HPRT1: variants seen among roughly 807,000 people sequenced by gnomAD.
HPRT1 encodes hypoxanthine-guanine phosphoribosyltransferase.
HPRT1 carries 4 observed loss-of-function variants against 19.0 expected under a neutral mutation model. The ratio of observed to expected loss-of-function variants is 0.21; its 90% CI spans 0.10 to 0.48. The LOEUF is 0.48. HPRT1 is among the 20% of genes least tolerant of loss of function. HPRT1 has a pLI of 0.98. For missense variants in HPRT1, 65 were observed against 164.0 expected (o/e 0.40, Z 3.30); for synonymous variants, 53 against 54.9 (o/e 0.97, Z 0.15).
At chrX:134,460,495 C>T in intron 1 of HPRT1, 157 bp downstream of exon 1, 1 of 330,718 alleles carries the variant, frequency 3.0e-6, no homozygotes, top group East Asian at 5.9e-5. Flanking sequence ...GGCTTTACGT[C>T]ACGCGAGGGC....
intron 1 of HPRT1, among the ~76,000 whole-genome samples, chrX:134,467,111 C>T (rs2077599090): frequency 1.1e-5 from 1 of 89,449 alleles, no homozygotes; most frequent in African/African-American, 4.6e-5. Flanking sequence ...AGTGCAGTGG[C>T]ACAATCTCGG....
chrX:134,481,505 C>CTCTATCTATCTATCTA (rs35832135), intron 3 of HPRT1, among the ~76,000 whole-genome samples: 63 of 96,169 alleles, frequency 6.6e-4, no homozygotes, highest in African/African-American at 7.4e-4. Context: ...ATCTGTCTAT[C>CTCTATCTATCTATCTA]TCTATCTATC....
intron 1 of HPRT1, among the ~76,000 whole-genome samples, chrX:134,470,914 AGAG>A (rs1257433047): frequency 9.5e-6 from 1 of 105,422 alleles, no homozygotes; most frequent in Non-Finnish European, 1.9e-5. Context: ...AAAAAAAAAA[AGAG>A]AGAGAAAAAA....
intron 1 of HPRT1, among the ~76,000 whole-genome samples, chrX:134,464,646 C>T (rs1484976656): frequency 2.7e-5 from 3 of 110,945 alleles, no homozygotes; most frequent in Non-Finnish European, 5.7e-5. Context: ...GATGCAATCT[C>T]GGCTCACTCT....
chrX:134,462,738 T>C (rs760290961), intron 1 of HPRT1, among the ~76,000 whole-genome samples: 1 of 112,533 alleles, frequency 8.9e-6, no homozygotes, highest in South Asian at 3.6e-4. Context: ...TGTTTTTAGT[T>C]TGCAAATCCC....
intron 5 of HPRT1, among the ~76,000 whole-genome samples, chrX:134,490,932 TTCC>T (rs1405228361): frequency 2.8e-5 from 3 of 107,403 alleles, no homozygotes; most frequent in Non-Finnish European, 5.8e-5. Context: ...CAACTTCGTA[TTCC>T]TCCTCAATAC....
At chrX:134,486,365 G>A in intron 3 of HPRT1, 100 bp from the exon 4 acceptor site, 1 of 375,619 alleles carries the variant, frequency 2.7e-6, no homozygotes, top group Non-Finnish European at 4.4e-6. Flanking sequence ...AAATCTTCTA[G>A]TTCTCATTTA....
chrX:134,490,350 G>A (rs186615272), intron 5 of HPRT1, 145 bp downstream of exon 5: 136 of 321,915 alleles, frequency 4.2e-4, no homozygotes, highest in African/African-American at 3.5e-3. Flanking sequence ...TTGGTTTTTT[G>A]TAAAGACTAC....
At chrX:134,472,170 T>C (rs2077612049) in intron 1 of HPRT1, among the ~76,000 whole-genome samples, 1 of 110,010 alleles carries the variant, frequency 9.1e-6, no homozygotes, top group African/African-American at 3.3e-5. Context: ...GACGGGGTCT[T>C]GCTACATTCC....
intron 1 of HPRT1, among the ~76,000 whole-genome samples, chrX:134,465,312 C>T (rs1350144633): frequency 1.9e-5 from 2 of 106,620 alleles, no homozygotes; most frequent in African/African-American, 6.9e-5. Flanking sequence ...GATTAATTTT[C>T]TTGCTTACTG....
chrX:134,494,881 T>C (rs1215937672), intron 6 of HPRT1, among the ~76,000 whole-genome samples: 6 of 111,668 alleles, frequency 5.4e-5, no homozygotes, highest in African/African-American at 2.0e-4. Flanking sequence ...AATACTTGGG[T>C]CATTTCTTGA....
intron 1 of HPRT1, among the ~76,000 whole-genome samples, chrX:134,461,446 C>T (rs1199518850): frequency 1.8e-5 from 2 of 112,258 alleles, no homozygotes; most frequent in Non-Finnish European, 3.8e-5. Flanking sequence ...AGGTAAAGAG[C>T]AGTGCTATTA....
chrX:134,489,655 G>A lies in HPRT1; in HGVS notation c.385-533G>A, dbSNP rs759633043. 4.5e-5 allele frequency among the ~76,000 whole-genome samples: 5 copies of A among 111,998 alleles called. No homozygotes were observed. The South Asian group carries it at 1.9e-3, about 42-fold the overall frequency. On this transcript the variant is annotated intron_variant, in intron 4 of 8. Coordinates refer to ENST00000298556, the MANE Select transcript of HPRT1 (RefSeq NM_000194.3). ...CTTAAATGTAGAAAGCGAAGTGAGG[G>A]TTTATGGTGAGAGGAAGCATTGGTA...
intron 1 of HPRT1, among the ~76,000 whole-genome samples, chrX:134,461,079 A>G (rs2077582648): frequency 9.0e-6 from 1 of 111,591 alleles, no homozygotes; most frequent in African/African-American, 3.3e-5. Context: ...CTGGTATCTT[A>G]GCTCCACCCT....
chrX:134,460,438 C>T lies in HPRT1; in HGVS notation c.27+100C>T, dbSNP rs1303598662. ...GATCCGCAGTGCGGGCTCGGGCGGC[C>T]GGGCCCAGGGAACCCCGCAGGCGGG... is the stretch of plus-strand genomic sequence containing the variant. On this transcript the variant is annotated intron_variant, in intron 1 of 8. Transcript: ENST00000298556. 6 of 710,045 alleles carry T rather than the reference C, an allele frequency of 8.5e-6. No individual in the cohort carries two copies. In the African/African-American group the frequency reaches 9.1e-5, roughly 11 times the overall value. The allele number at this position is 710,045 out of a possible 1,213,427, so 58.5% of individuals were successfully genotyped here. A position where few individuals can be genotyped will look rare whatever the true frequency, so the allele number is the denominator to read the frequency against.
chrX:134,499,524 A>C (rs933831612), intron 8 of HPRT1, among the ~76,000 whole-genome samples: 3 of 102,254 alleles, frequency 2.9e-5, no homozygotes, highest in African/African-American at 1.1e-4. Flanking sequence ...CAAGAAACAG[A>C]CTGGGCGCGG....
At chrX:134,470,526 A>G (rs1441755560) in intron 1 of HPRT1, among the ~76,000 whole-genome samples, 1 of 111,978 alleles carries the variant, frequency 8.9e-6, no homozygotes, top group Admixed American at 9.6e-5. Context: ...GAGATGCTCA[A>G]TAGGTACTAA....
At chrX:134,480,066 A>G (rs1383386934) in intron 3 of HPRT1, among the ~76,000 whole-genome samples, 1 of 111,773 alleles carries the variant, frequency 8.9e-6, no homozygotes, top group Non-Finnish European at 1.9e-5. Flanking sequence ...ATTATGGTGT[A>G]TCCAGACTAA....
At position 134,475,319 on chromosome X, in the gene HPRT1, A is replaced by G. The variant is rs1215264835; in HGVS notation, c.273A>G (p.Arg91=). The change falls in exon 3 of 9, where the codon AGA becomes AGG. Residue 91 remains arginine, a synonymous_variant. Coordinates refer to ENST00000298556, the MANE Select transcript of HPRT1 (RefSeq NM_000194.3). Reference sequence around the variant, plus strand: ...AAGCACTGAATAGAAATAGTGATAGATCCATTCCTATGACTGTAGATTTTA... The same window carrying G: ...AAGCACTGAATAGAAATAGTGATAGGTCCATTCCTATGACTGTAGATTTTA... ...YIKALNRNSD[R]SIPMTVDFIR... 2.5e-6 allele frequency: 3 copies of G among 1,193,849 alleles called. No homozygotes were observed. The highest frequency in any genetic ancestry group is 3.4e-6 in the Non-Finnish European group (3 of 879,537).
Sources: allele counts gnomAD v4.1 joint callset (sites outside exome capture counted in the v4.1 genomes callset), GRCh38; gene constraint gnomAD v4.1.1; transcripts MANE v1.5; gene names NCBI Gene and HGNC (gene_info 2026-07-23, HGNC 2026-07-21).